The following DYNC1LI2 variants were observed in gnomAD, a reference collection of about 807,000 sequenced individuals.
DYNC1LI2 encodes dynein cytoplasmic 1 light intermediate chain 2, also known as cytoplasmic dynein 1 light intermediate chain 2.
DYNC1LI2 carries 19 observed loss-of-function variants against 57.8 expected under a neutral mutation model. That is an observed-to-expected ratio of 0.33 (90% CI 0.23 to 0.48). The LOEUF (loss-of-function observed/expected upper bound fraction) is 0.48. Ranked by LOEUF, DYNC1LI2 falls within the 20% of genes least tolerant of loss-of-function variation. The probability of loss-of-function intolerance (pLI) is 0.99; values close to 1 mark genes in which losing one functional copy is unlikely to be tolerated. For missense variants in DYNC1LI2, 470 were observed against 604.2 expected, an observed-to-expected ratio of 0.78 and a Z score of 2.33; for synonymous variants, 256 against 233.4, an observed-to-expected ratio of 1.10 and a Z score of -0.88.
chr16:66,732,323 G>C lies in DYNC1LI2; in HGVS notation c.929+16C>G. On this transcript the variant is annotated intron_variant, in intron 7 of 12. Transcript: ENST00000258198. ...TAAAAAGAAGAGTTTCAAAGCATCA[G>C]CTCAAAATAACTCACATAAAAACGG... 5 of 1,608,128 alleles carry C rather than the reference G, an allele frequency of 3.1e-6. No homozygotes were observed. The highest frequency in any genetic ancestry group is 4.2e-6 in the Non-Finnish European group (5 of 1,178,466).
rs760065483 is a variant in DYNC1LI2, at chr16:66,732,319, A to G, written c.929+20T>C. ...ACTTTAAAAAGAAGAGTTTCAAAGC[A>G]TCAGCTCAAAATAACTCACATAAAA... is the stretch of plus-strand genomic sequence containing the variant. On this transcript the variant is annotated intron_variant, in intron 7 of 12. Transcript: ENST00000258198. The G allele has an allele frequency of 6.2e-6, 10 of 1,605,470 alleles. No homozygotes were observed. The highest frequency in any genetic ancestry group is 2.2e-5 in the South Asian group (2 of 89,150).
chr16:66,741,469 T>G (rs1431938756), intron 4 of DYNC1LI2, among the ~76,000 whole-genome samples: 1 of 152,160 alleles, frequency 6.6e-6, no homozygotes, highest in Non-Finnish European at 1.5e-5. Flanking sequence ...TTAGACAACG[T>G]GGGACAGAAG....
At chr16:66,737,629 C>G (rs560479571) in intron 4 of DYNC1LI2, among the ~76,000 whole-genome samples, 1 of 152,292 alleles carries the variant, frequency 6.6e-6, no homozygotes, top group Admixed American at 6.5e-5. Context: ...TTATTATCCT[C>G]ACTCTTGTGG....
chr16:66,725,796 A>T (rs1489222179), intron 12 of DYNC1LI2, 32 bp downstream of exon 12: 8 of 1,603,188 alleles, frequency 5.0e-6, no homozygotes, highest in Non-Finnish European at 6.8e-6. Flanking sequence ...ACTCAACCAC[A>T]AGAGTCACAA....
chr16:66,736,689 A>G (rs1056536375), intron 4 of DYNC1LI2, among the ~76,000 whole-genome samples: 1 of 152,114 alleles, frequency 6.6e-6, no homozygotes, highest in Non-Finnish European at 1.5e-5. Context: ...TAGAGGTGGG[A>G]TCTTCCTGTG....
chr16:66,751,317 C>T lies in DYNC1LI2; in HGVS notation c.137G>A (p.Arg46His), dbSNP rs1321663752. 1 of 1,612,274 alleles carries T rather than the reference C, an allele frequency of 6.2e-7. No individual in the cohort carries two copies. The highest frequency in any genetic ancestry group is 1.1e-5 in the South Asian group (1 of 90,934). Residue 46 changes from arginine (R) to histidine (H), a missense_variant, in exon 2 of 13, where the codon CGC becomes CAC. Transcript: ENST00000258198. The surrounding 1 kb of genome is among the most constrained non-coding windows in gnomAD (Gnocchi z 5.2). ...GCCGGACGGCAGCTTGGACCTGGCG[C>T]GGGTGGACACTTCGCTCAGAATGGA... ...WSSILSEVSTRARSKLPSGKN... is the reference protein window; with the variant it reads ...WSSILSEVSTHARSKLPSGKN...
chr16:66,740,205 C>T (rs754432128), intron 4 of DYNC1LI2, among the ~76,000 whole-genome samples: 6 of 152,144 alleles, frequency 3.9e-5, no homozygotes, highest in African/African-American at 7.2e-5. Context: ...GCCACAGACA[C>T]AAAACCACTG....
chr16:66,744,716 C>A (rs982150141), intron 3 of DYNC1LI2, among the ~76,000 whole-genome samples: 26 of 152,116 alleles, frequency 1.7e-4, no homozygotes, highest in Admixed American at 1.0e-3. Context: ...CGTGCCACTA[C>A]GCCTGGCTAA....
Position 66,725,351 on chromosome 16 carries a change from C to T in DYNC1LI2, c.1378+477G>A, listed in dbSNP as rs187203959. Among the ~76,000 whole-genome samples the T allele has an allele frequency of 6.0e-3, 904 of 151,764 alleles. 13 individuals carry two copies. The highest frequency in any genetic ancestry group is 0.021 in the African/African-American group (866 of 41,352). The stretch of plus-strand genomic sequence containing the variant: ...AAAAAATTAGCTGGGCATGATGGCA[C>T]GCGCCTGTAATCCCAGCTACTCGGG... On this transcript the variant is annotated intron_variant, in intron 12 of 12. Transcript: ENST00000258198.
At chr16:66,736,455 G>A (rs1052152641) in intron 4 of DYNC1LI2, among the ~76,000 whole-genome samples, 18 of 152,086 alleles carry the variant, frequency 1.2e-4, no homozygotes, top group Admixed American at 9.2e-4. Context: ...TTGTAACATC[G>A]GGGCAGCAAA....
At chr16:66,744,135 T>C (rs2017893999) in intron 3 of DYNC1LI2, among the ~76,000 whole-genome samples, 1 of 151,208 alleles carries the variant, frequency 6.6e-6, no homozygotes, top group South Asian at 2.1e-4. Flanking sequence ...GCAACTGCAG[T>C]CTCGATTTCC....
At chr16:66,737,282 C>G in intron 4 of DYNC1LI2, among the ~76,000 whole-genome samples, 1 of 151,694 alleles carries the variant, frequency 6.6e-6, no homozygotes, top group East Asian at 1.9e-4. Context: ...CCTCAAAAAA[C>G]AAAACAAAAC....
intron 4 of DYNC1LI2, among the ~76,000 whole-genome samples, chr16:66,741,714 C>T (rs1335989503): frequency 6.6e-6 from 1 of 151,952 alleles, no homozygotes; most frequent in African/African-American, 2.4e-5. Flanking sequence ...CCTGCCCCTC[C>T]CATTTCCCTG....
At chr16:66,724,600 A>C (rs1185539232) in intron 12 of DYNC1LI2, 1 of 152,206 alleles carries the variant, frequency 6.6e-6, no homozygotes, top group Non-Finnish European at 1.5e-5. Flanking sequence ...AAAATGTGTA[A>C]TTCCCAAGGA....
chr16:66,751,415 TCA>T lies in DYNC1LI2; in HGVS notation c.107+68_107+69del. ...GGATGGCCCGGCTCGCGTCGGCCCC[TCA>T]GTGTGTCCGACGGTCCGGCCCAGAG... is the stretch of plus-strand genomic sequence containing the variant. On this transcript the variant is annotated intron_variant, in intron 1 of 12. Transcript: ENST00000258198. This position sits in a 1 kb window ranked among gnomAD's most constrained non-coding sequence, Gnocchi z 5.2. 1 of 1,591,368 alleles carries T rather than the reference TCA, an allele frequency of 6.3e-7. No individual in the cohort carries two copies. Among genetic ancestry groups the T allele is most frequent in the Non-Finnish European group, 8.5e-7 (1 of 1,170,966 alleles).
In DYNC1LI2 at chr16:66,721,003, C is replaced by A. The variant is rs1032033373; in HGVS notation, c.*2719G>T. On this transcript the variant is annotated 3_prime_UTR_variant, in exon 13 of 13. Coordinates refer to ENST00000258198, the MANE Select transcript of DYNC1LI2 (RefSeq NM_006141.3). Reference sequence around the variant, plus strand: ...GACTGCATACTGCACCCGGACAGAGCCACACCCCTGGACTAAGGCTGGTGG... The same window carrying A: ...GACTGCATACTGCACCCGGACAGAGACACACCCCTGGACTAAGGCTGGTGG... 6.6e-6 allele frequency: 1 copy of A among 152,598 alleles called. No individual in the cohort carries two copies. Among genetic ancestry groups the A allele is most frequent in the Admixed American group, 6.6e-5 (1 of 15,264 alleles). 9.5% of individuals were successfully genotyped at this position (152,598 alleles called of 1,614,324 possible).
chr16:66,749,087 G>T, intron 3 of DYNC1LI2, 110 bp downstream of exon 3: 1 of 1,069,214 alleles, frequency 9.4e-7, no homozygotes, highest in Non-Finnish European at 1.4e-6. Context: ...AACTCTCTGA[G>T]AACCAAACAG....
At chr16:66,728,144 G>T (rs2017568802) in intron 10 of DYNC1LI2, 57 bp downstream of exon 10, 1 of 1,606,072 alleles carries the variant, frequency 6.2e-7, no homozygotes, top group African/African-American at 1.3e-5. Flanking sequence ...ATGGTATAAA[G>T]TTTGATGACA....
At chr16:66,748,281 A>C (rs1368787559) in intron 3 of DYNC1LI2, among the ~76,000 whole-genome samples, 2 of 42,544 alleles carry the variant, frequency 4.7e-5, no homozygotes, top group African/African-American at 1.2e-4. Context: ...CTGTCTCAAA[A>C]AAAAAAAAAA....
Sources: allele counts gnomAD v4.1 joint callset (sites outside exome capture counted in the v4.1 genomes callset), GRCh38; gene constraint gnomAD v4.1.1; non-coding constraint Gnocchi (gnomAD v3.1); transcripts MANE v1.5; gene names NCBI Gene and HGNC (gene_info 2026-07-23, HGNC 2026-07-21).